SLC8A1: variants seen among roughly 807,000 people sequenced by gnomAD.
The protein encoded by SLC8A1 is solute carrier family 8 member A1.
In SLC8A1, 18 loss-of-function variants were observed where a neutral mutation model predicts 68.3. The ratio of observed to expected loss-of-function variants is 0.26; its 90% confidence interval spans 0.18 to 0.39. SLC8A1 has a LOEUF of 0.39. Among genes scored for constraint, SLC8A1 ranks in the 10% least tolerant of loss-of-function variants. The pLI, the probability that SLC8A1 is intolerant of heterozygous loss-of-function variation, is 1.00. For synonymous variants in SLC8A1, 475 were observed against 415.5 expected, an observed-to-expected ratio of 1.14 and a Z score of -1.74; for missense variants, 985 against 1,156.7, an observed-to-expected ratio of 0.85 and a Z score of 2.15.
rs60780425 is a variant in SLC8A1 at position 40,302,437 on chromosome 2, TTGTG to T, written c.1809-124586_1809-124583del. Among the ~76,000 whole-genome samples, 230 of 132,928 alleles carry T rather than the reference TTGTG, an allele frequency of 1.7e-3. 2 individuals are homozygous for T. Among genetic ancestry groups the T allele is most frequent in the South Asian group, 7.5e-3 (30 of 3,986 alleles). The allele number at this position is 132,928 out of a possible 152,430, so 87.2% of individuals were successfully genotyped here. A position where few individuals can be genotyped will look rare whatever the true frequency, so the allele number is the denominator to read the frequency against. ...CTTTTTATGGCTGGGTAGTATTCCA[TTGTG>T]TGTGTGTGTGTGTGTGTGTGTGTGT... On this transcript the variant is annotated intron_variant, in intron 2 of 7. Transcript: ENST00000406785.
intron 2 of SLC8A1, among the ~76,000 whole-genome samples, chr2:40,423,409 A>AT (rs1398149078): frequency 7.9e-5 from 12 of 152,152 alleles, no homozygotes; most frequent in African/African-American, 1.4e-4. Flanking sequence ...TAAGGAGCAT[A>AT]TTTTTTCTAT....
At chr2:40,363,636 A>G (rs75042322) in intron 2 of SLC8A1, among the ~76,000 whole-genome samples, 6,661 of 152,234 alleles carry the variant, frequency 0.044, 163 homozygotes, top group African/African-American at 0.073. Flanking sequence ...ACCACAGACA[A>G]TATGTTTCTT....
intron 7 of SLC8A1, among the ~76,000 whole-genome samples, chr2:40,138,044 A>G (rs1558492090): frequency 6.6e-6 from 1 of 152,106 alleles, no homozygotes; most frequent in African/African-American, 2.4e-5. Context: ...ATTTTATTAA[A>G]TTTTTTCTAT....
intron 2 of SLC8A1, among the ~76,000 whole-genome samples, chr2:40,381,753 G>C (rs1202581896): frequency 5.3e-5 from 8 of 150,176 alleles, no homozygotes. Context: ...CCAACCATTG[G>C]GCCTCCTAGA....
At chr2:40,297,949 G>A (rs918506217) in intron 2 of SLC8A1, among the ~76,000 whole-genome samples, 8 of 151,964 alleles carry the variant, frequency 5.3e-5, no homozygotes, top group Non-Finnish European at 1.0e-4. Flanking sequence ...GTGCGATCTC[G>A]GCTCACTGCA....
intron 2 of SLC8A1, among the ~76,000 whole-genome samples, chr2:40,312,064 A>G (rs2073780925): frequency 6.6e-6 from 1 of 152,086 alleles, no homozygotes; most frequent in African/African-American, 2.4e-5. Flanking sequence ...TCCCTAGGCT[A>G]GACAAAAAAT....
At chr2:40,110,389 T>TA (rs919494897) in exon 8 of SLC8A1, 105 of 152,218 alleles carry the variant, frequency 6.9e-4, no homozygotes, top group African/African-American at 2.4e-3. Context: ...TACATAATGG[T>TA]AAAAAAGAAT....
At chr2:40,487,012 C>T (rs761079905) in intron 1 of SLC8A1, among the ~76,000 whole-genome samples, 3 of 151,716 alleles carry the variant, frequency 2.0e-5, no homozygotes, top group Admixed American at 1.3e-4. Flanking sequence ...GGGCACAGGG[C>T]GGGGAACATC....
chr2:40,470,592 A>G (rs1703941822), intron 1 of SLC8A1, among the ~76,000 whole-genome samples: 1 of 151,882 alleles, frequency 6.6e-6, no homozygotes, highest in East Asian at 1.9e-4. Context: ...CAAGTTATAA[A>G]ACATTACATA....
chr2:40,183,510 ACT>A (rs1001705683), intron 2 of SLC8A1, among the ~76,000 whole-genome samples: 77 of 152,284 alleles, frequency 5.1e-4, no homozygotes, highest in African/African-American at 1.8e-3. Context: ...AACTCTGAGG[ACT>A]CTGAATAGTT....
chr2:40,482,235 G>A (rs1704676254), intron 1 of SLC8A1, among the ~76,000 whole-genome samples: 1 of 152,166 alleles, frequency 6.6e-6, no homozygotes. Flanking sequence ...TCTCTCCAGA[G>A]GGAGCACTAC....
intron 7 of SLC8A1, among the ~76,000 whole-genome samples, chr2:40,134,100 T>TTTGTG (rs1422790696): frequency 7.2e-6 from 1 of 139,510 alleles, no homozygotes; most frequent in Admixed American, 6.9e-5. Context: ...TGTTTGTGTT[T>TTTGTG]TTTTTTTTTG....
At chr2:40,444,814 A>T (rs538238640) in intron 1 of SLC8A1, among the ~76,000 whole-genome samples, 1 of 152,212 alleles carries the variant, frequency 6.6e-6, no homozygotes, top group Admixed American at 6.5e-5. Context: ...CTTTCTTGCT[A>T]TAACACCAGA....
At chr2:40,235,688 T>C (rs1423645696) in intron 2 of SLC8A1, among the ~76,000 whole-genome samples, 4 of 152,082 alleles carry the variant, frequency 2.6e-5, no homozygotes, top group African/African-American at 4.8e-5. Flanking sequence ...TTAATGGTGA[T>C]GTTAGGGTGT....
At chr2:40,336,610 G>C (rs1324016608) in intron 2 of SLC8A1, among the ~76,000 whole-genome samples, 1 of 152,196 alleles carries the variant, frequency 6.6e-6, no homozygotes, top group East Asian at 1.9e-4. Context: ...TCCAGTCATT[G>C]GTCTAGGCTT....
intron 2 of SLC8A1, among the ~76,000 whole-genome samples, chr2:40,319,529 C>T (rs530281905): frequency 1.3e-5 from 2 of 152,174 alleles, no homozygotes; most frequent in African/African-American, 2.4e-5. Flanking sequence ...TTATCAGAGA[C>T]GTTCAAAACA....
intron 2 of SLC8A1, among the ~76,000 whole-genome samples, chr2:40,396,414 C>T (rs972689884): frequency 6.6e-6 from 1 of 152,100 alleles, no homozygotes; most frequent in African/African-American, 2.4e-5. Context: ...TTCAATTCTG[C>T]TGCCAGTAAT....
chr2:40,228,317 A>G (rs1558848450), intron 2 of SLC8A1, among the ~76,000 whole-genome samples: 1 of 152,216 alleles, frequency 6.6e-6, no homozygotes, highest in Non-Finnish European at 1.5e-5. Context: ...AAATATGCTT[A>G]TGTAAGAATT....
chr2:40,174,751 T>A, intron 4 of SLC8A1, 31 bp from the exon 6 acceptor site: 1 of 1,573,378 alleles, frequency 6.4e-7, no homozygotes, highest in East Asian at 2.2e-5. Context: ...AATGAGAAAT[T>A]TTTTTTAATG....
Sources: gnomAD v4.1 joint callset for allele counts (sites outside exome capture counted in the v4.1 genomes callset) on GRCh38, gnomAD v4.1.1 for gene constraint, MANE v1.5 for transcripts, NCBI Gene and HGNC (gene_info 2026-07-23, HGNC 2026-07-21) for gene names.